PHF2: variants seen among roughly 807,000 people sequenced by gnomAD.
PHF2 encodes the protein lysine-specific demethylase PHF2.
In PHF2, 27 loss-of-function variants were observed where a neutral mutation model predicts 120.5. The observed-to-expected ratio is 0.22, with a 90% confidence interval of 0.17 to 0.31. The LOEUF is 0.31. Among genes scored for constraint, PHF2 ranks in the 10% least tolerant of loss-of-function variants. The pLI is 1.00. For synonymous variants in PHF2, 568 were observed against 592.5 expected, an observed-to-expected ratio of 0.96 and a Z score of 0.60; for missense variants, 1,024 against 1,434.8, an observed-to-expected ratio of 0.71 and a Z score of 4.63.
At chr9:93,620,816 C>A (rs1825812898) in intron 1 of PHF2, among the ~76,000 whole-genome samples, 3 of 152,142 alleles carry the variant, frequency 2.0e-5, no homozygotes, top group Admixed American at 2.0e-4. Flanking sequence ...TTTCGTTTTG[C>A]CAATTTTCTG....
chr9:93,580,618 C>G (rs1172533568), intron 1 of PHF2, among the ~76,000 whole-genome samples: 1 of 152,232 alleles, frequency 6.6e-6, no homozygotes, highest in African/African-American at 2.4e-5. Flanking sequence ...ATGTAGCTTT[C>G]TGGCCCTCTT....
intron 1 of PHF2, among the ~76,000 whole-genome samples, chr9:93,611,742 T>G (rs1215805353): frequency 1.3e-5 from 2 of 152,128 alleles, no homozygotes; most frequent in Non-Finnish European, 2.9e-5. Flanking sequence ...CCTGAACTCC[T>G]GGACTCAAGC....
chr9:93,617,101 G>A (rs1238401960), intron 1 of PHF2, among the ~76,000 whole-genome samples: 2 of 152,228 alleles, frequency 1.3e-5, no homozygotes, highest in African/African-American at 4.8e-5. Flanking sequence ...TCTGGAGGGT[G>A]GCATGGTCGG....
chr9:93,639,587 C>T (rs1826144113), intron 3 of PHF2, among the ~76,000 whole-genome samples: 2 of 152,088 alleles, frequency 1.3e-5, no homozygotes, highest in Non-Finnish European at 2.9e-5. Context: ...TAATTGCTCT[C>T]CCAAGAACCT....
At chr9:93,637,386 T>C (rs540661505) in intron 3 of PHF2, among the ~76,000 whole-genome samples, 2 of 152,350 alleles carry the variant, frequency 1.3e-5, no homozygotes, top group Middle Eastern at 3.4e-3. Flanking sequence ...TTCACAGATA[T>C]GTGCACATCA....
intron 1 of PHF2, among the ~76,000 whole-genome samples, chr9:93,622,146 G>A (rs916155865): frequency 1.3e-5 from 2 of 152,172 alleles, no homozygotes; most frequent in Non-Finnish European, 2.9e-5. Context: ...GAGGGGTGAG[G>A]CCTGGGTGGC....
chr9:93,630,105 C>A, intron 2 of PHF2, 50 bp downstream of exon 2: 2 of 1,565,478 alleles, frequency 1.3e-6, no homozygotes, highest in Non-Finnish European at 1.8e-6. Context: ...GAGCAGCATC[C>A]ACCCTGCCTG....
intron 1 of PHF2, among the ~76,000 whole-genome samples, chr9:93,620,659 A>G (rs1164676508): frequency 1.3e-5 from 2 of 152,226 alleles, no homozygotes; most frequent in African/African-American, 2.4e-5. Context: ...CTCTGAAATA[A>G]TGAAGTCATC....
At chr9:93,600,797 G>A (rs1161516105) in intron 1 of PHF2, among the ~76,000 whole-genome samples, 1 of 152,220 alleles carries the variant, frequency 6.6e-6, no homozygotes. Context: ...GCTATGGGGA[G>A]GCCAGCCTCT....
chr9:93,625,467 C>T (rs1295037062), intron 1 of PHF2, among the ~76,000 whole-genome samples: 2 of 135,170 alleles, frequency 1.5e-5, no homozygotes, highest in South Asian at 4.6e-4. Context: ...TGTTTGAGTA[C>T]CTTTTTTTTT....
intron 3 of PHF2, among the ~76,000 whole-genome samples, chr9:93,644,184 C>T (rs949072969): frequency 2.6e-5 from 4 of 152,022 alleles, no homozygotes; most frequent in African/African-American, 7.3e-5. Flanking sequence ...GTCAGGAGTT[C>T]GAGACCAGCC....
intron 1 of PHF2, among the ~76,000 whole-genome samples, chr9:93,602,299 C>A (rs925252416): frequency 7.7e-6 from 1 of 130,572 alleles, no homozygotes; most frequent in Non-Finnish European, 1.5e-5. Context: ...GTCACCCAGG[C>A]TGGAGTGCAA....
At chr9:93,605,793 T>C (rs1825532939) in intron 1 of PHF2, among the ~76,000 whole-genome samples, 1 of 152,212 alleles carries the variant, frequency 6.6e-6, no homozygotes, top group Admixed American at 6.5e-5. Flanking sequence ...CCACAGTTTA[T>C]TTATCCATTC....
intron 1 of PHF2, among the ~76,000 whole-genome samples, chr9:93,578,718 G>T (rs559097472): frequency 2.0e-5 from 3 of 152,348 alleles, no homozygotes; most frequent in Admixed American, 1.3e-4. Context: ...GGAATGAGGG[G>T]CAGGCAGGCG....
rs1261302339 is a variant in PHF2 at position 93,649,098 on chromosome 9, A to T, written c.488A>T (p.Asp163Val). The stretch of plus-strand genomic sequence containing the variant: ...CCGGAACGGAGTGTGGATGTGACAG[A>T]TGTCACCAAGCAGAAGGACTGCAAG... Reference protein sequence around the residue: ...VGPERSVDVTDVTKQKDCKMK... With the variant: ...VGPERSVDVTVVTKQKDCKMK... The change falls in exon 5 of 22, where the codon GAT becomes GTT. Residue 163 changes from aspartate (D) to valine (V), a missense_variant. This residue lies in a region of PHF2 where 347 missense variants were observed against 577.4 expected (regional missense o/e 0.60). Coordinates refer to ENST00000359246, the MANE Select transcript of PHF2 (RefSeq NM_005392.4). 6.4e-7 allele frequency: 1 copy of T among 1,551,326 alleles called. No individual in the cohort carries two copies. The highest frequency in any genetic ancestry group is 8.7e-7 in the Non-Finnish European group (1 of 1,146,988).
Position 93,675,902 on chromosome 9 carries a change from C to T in PHF2, c.2832+113C>T, listed in dbSNP as rs1315300193. Reference sequence around the variant, plus strand: ...CACCCCATACACAGACCCACTGAGCCAGGGGTGGTCACAGGCTTGGGGACA... The same window carrying T: ...CACCCCATACACAGACCCACTGAGCTAGGGGTGGTCACAGGCTTGGGGACA... On this transcript the variant is annotated intron_variant, in intron 20 of 21. Coordinates refer to ENST00000359246, the MANE Select transcript of PHF2 (RefSeq NM_005392.4). 16 of 714,790 alleles carry T rather than the reference C, an allele frequency of 2.2e-5. 1 individual carries two copies. Among genetic ancestry groups the T allele is most frequent in the East Asian group, 1.3e-4 (5 of 37,340 alleles). The allele number at this position is 714,790 out of a possible 1,614,324, so 44.3% of individuals were successfully genotyped here. A position where few individuals can be genotyped will look rare whatever the true frequency, so the allele number is the denominator to read the frequency against.
At chr9:93,655,660 A>G (rs375586797) in intron 7 of PHF2, among the ~76,000 whole-genome samples, 42 of 152,328 alleles carry the variant, frequency 2.8e-4, no homozygotes, top group South Asian at 2.3e-3. Context: ...TGGACTGACT[A>G]GTCTGTGCTG....
chr9:93,601,054 G>A (rs533369719), intron 1 of PHF2, among the ~76,000 whole-genome samples: 2 of 152,314 alleles, frequency 1.3e-5, no homozygotes, highest in South Asian at 2.1e-4. Flanking sequence ...GTGGTGTAAG[G>A]GTTTCCTTCT....
At chr9:93,623,449 CTCT>C in intron 1 of PHF2, among the ~76,000 whole-genome samples, 1 of 152,334 alleles carries the variant, frequency 6.6e-6, no homozygotes, top group East Asian at 1.9e-4. Context: ...CTGTGCTGAG[CTCT>C]TCTTCACATG....
Sources: allele counts gnomAD v4.1 joint callset (sites outside exome capture counted in the v4.1 genomes callset), GRCh38; gene constraint gnomAD v4.1.1; regional missense constraint gnomAD v4.1.1; transcripts MANE v1.5; gene names NCBI Gene and HGNC (gene_info 2026-07-23, HGNC 2026-07-21).